SHTN1: variants seen among roughly 807,000 people sequenced by gnomAD.
The protein encoded by SHTN1 is shootin-1.
A neutral mutation model predicts 83.1 loss-of-function variants in SHTN1; 42 were observed. The observed-to-expected ratio is 0.51, with a 90% confidence interval of 0.39 to 0.65. The LOEUF (loss-of-function observed/expected upper bound fraction) is 0.65, where lower values mean the gene tolerates loss of function less well. SHTN1 is among the 30% of genes least tolerant of loss of function. The pLI is 0.00. For synonymous variants in SHTN1, 224 were observed against 247.7 expected, an observed-to-expected ratio of 0.90 and a Z score of 0.90; for missense variants, 622 against 737.8, an observed-to-expected ratio of 0.84 and a Z score of 1.82.
At chr10:117,113,837 G>A (rs1853803753) in intron 1 of SHTN1, among the ~76,000 whole-genome samples, 1 of 152,218 alleles carries the variant, frequency 6.6e-6, no homozygotes, top group Non-Finnish European at 1.5e-5. Flanking sequence ...TCTGAGGTAA[G>A]GAGTTCAAGA....
chr10:116,966,028 G>A (rs1482256327), intron 3 of SHTN1, among the ~76,000 whole-genome samples: 2 of 151,836 alleles, frequency 1.3e-5, no homozygotes, highest in African/African-American at 4.8e-5. Flanking sequence ...GTTTTTTTGA[G>A]ACGGAGTCTC....
rs58029184 is a variant in SHTN1 at position 117,047,903 on chromosome 10, C to CAAA, written c.-123+539_-123+541dup. On this transcript the variant is annotated intron_variant, in intron 2 of 17. Coordinates refer to the SHTN1 transcript ENST00000392901. ...AAATGTTGGGATTATAGGCATGAGC[C>CAAA]AAAAAAAAAAAAAAATTATTAAAAG... Among the ~76,000 whole-genome samples, 320 of 139,514 alleles carry CAAA rather than the reference C, an allele frequency of 2.3e-3. 2 individuals are homozygous for CAAA. Among genetic ancestry groups the CAAA allele is most frequent in the South Asian group, 4.4e-3 (19 of 4,364 alleles). 91.5% of individuals were successfully genotyped at this position (139,514 alleles called of 152,430 possible).
intron 1 of SHTN1, among the ~76,000 whole-genome samples, chr10:117,052,223 G>A (rs571979451): frequency 6.6e-6 from 1 of 151,298 alleles, no homozygotes; most frequent in African/African-American, 2.4e-5. Flanking sequence ...TTTACCCAAG[G>A]AGATGTAAGA....
chr10:116,928,326 T>G (rs1438649087), intron 10 of SHTN1, among the ~76,000 whole-genome samples: 1 of 152,210 alleles, frequency 6.6e-6, no homozygotes, highest in Non-Finnish European at 1.5e-5. Context: ...TCTCCCCTGC[T>G]TAATTTCCTT....
chr10:117,017,307 C>T (rs549740389), intron 2 of SHTN1, among the ~76,000 whole-genome samples: 4 of 151,812 alleles, frequency 2.6e-5, no homozygotes, highest in Admixed American at 6.6e-5. Context: ...CTGGCTAACA[C>T]GGTGAAACCC....
chr10:116,939,364 G>A (rs1437853854), intron 9 of SHTN1, among the ~76,000 whole-genome samples: 1 of 152,190 alleles, frequency 6.6e-6, no homozygotes, highest in Non-Finnish European at 1.5e-5. Flanking sequence ...TATCTGGGCT[G>A]GAGAGCACCA....
intron 1 of SHTN1, among the ~76,000 whole-genome samples, chr10:117,084,739 T>A (rs1489980289): frequency 6.6e-6 from 1 of 152,020 alleles, no homozygotes; most frequent in Non-Finnish European, 1.5e-5. Flanking sequence ...AATCTCGTGG[T>A]GCGCCGTTTT....
intron 1 of SHTN1, among the ~76,000 whole-genome samples, chr10:117,051,167 A>G (rs1852735299): frequency 6.6e-6 from 1 of 152,226 alleles, no homozygotes; most frequent in South Asian, 2.1e-4. Flanking sequence ...TGAAATGGAC[A>G]AAGTCCTAGA....
At chr10:117,069,707 T>C (rs1263398590) in intron 1 of SHTN1, among the ~76,000 whole-genome samples, 1 of 152,194 alleles carries the variant, frequency 6.6e-6, no homozygotes, top group Non-Finnish European at 1.5e-5. Context: ...AAGAACATTT[T>C]ATCTTCACTA....
intron 1 of SHTN1, among the ~76,000 whole-genome samples, chr10:117,089,073 G>A (rs896741593): frequency 6.6e-6 from 1 of 152,156 alleles, no homozygotes; most frequent in African/African-American, 2.4e-5. Context: ...CCATGGTAGG[G>A]CTGTACAGAC....
rs1848132603 is a variant in SHTN1 at position 116,910,148 on chromosome 10, G to A, written c.1359+1642C>T. Among the ~76,000 whole-genome samples, 3 of 152,144 alleles carry A rather than the reference G, an allele frequency of 2.0e-5. No individual in the cohort carries two copies. The South Asian group carries it at 6.2e-4, about 31-fold the overall frequency. On this transcript the variant is annotated intron_variant, in intron 14 of 16. Coordinates refer to ENST00000355371, the MANE Select transcript of SHTN1 (RefSeq NM_001127211.3). ...TGGTTTATAGGCTCCAGGTGACAGGGAATTACAAATAGTCCATCCTTCCTC... is the reference window on the plus strand; with the variant it reads ...TGGTTTATAGGCTCCAGGTGACAGGAAATTACAAATAGTCCATCCTTCCTC...
intron 16 of SHTN1, among the ~76,000 whole-genome samples, chr10:116,887,008 C>T (rs1422214062): frequency 6.6e-6 from 1 of 152,044 alleles, no homozygotes; most frequent in East Asian, 1.9e-4. Flanking sequence ...GCTGAGGAGC[C>T]TGCAGGGACA....
intron 1 of SHTN1, among the ~76,000 whole-genome samples, chr10:116,986,712 T>A (rs1268326464): frequency 8.0e-6 from 1 of 125,390 alleles, no homozygotes; most frequent in Non-Finnish European, 1.6e-5. Flanking sequence ...CAAAACCCAG[T>A]ATCCTTTTTT....
At chr10:116,983,568 T>C (rs552963147) in intron 1 of SHTN1, among the ~76,000 whole-genome samples, 11 of 152,184 alleles carry the variant, frequency 7.2e-5, no homozygotes, top group Admixed American at 2.6e-4. Context: ...TTAAATCATA[T>C]AGATGCCTCG....
rs578024954 is a variant in SHTN1 at position 116,954,154 on chromosome 10, C to A, written c.324G>T (p.Leu108=). 1.3e-5 allele frequency: 21 copies of A among 1,613,522 alleles called. No homozygotes were observed. The South Asian group carries it at 2.3e-4, about 18-fold the overall frequency. Residue 108 remains leucine, a synonymous_variant, in exon 5 of 17, where the codon CTG becomes CTT. Transcript: ENST00000355371. ...TCTCTTCAGTTATTACATCTGGTCCCAGCTTGGCCATGTACAACATGCTGA... is the reference window on the plus strand; with the variant it reads ...TCTCTTCAGTTATTACATCTGGTCCAAGCTTGGCCATGTACAACATGCTGA... The part of the protein sequence containing the change: ...KRISMLYMAK[L]GPDVITEEIN...
At chr10:116,980,172 G>A (rs1054855046) in intron 1 of SHTN1, among the ~76,000 whole-genome samples, 3 of 152,164 alleles carry the variant, frequency 2.0e-5, no homozygotes, top group Admixed American at 6.5e-5. Context: ...CACATGAAGT[G>A]AGAAGAAAAA....
intron 2 of SHTN1, among the ~76,000 whole-genome samples, chr10:116,969,582 T>A (rs1333501382): frequency 6.6e-6 from 1 of 152,208 alleles, no homozygotes; most frequent in Non-Finnish European, 1.5e-5. Flanking sequence ...TATTCCATAC[T>A]AAGCACATAT....
At chr10:117,004,217 G>C (rs1217847742) in intron 1 of SHTN1, among the ~76,000 whole-genome samples, 1 of 152,122 alleles carries the variant, frequency 6.6e-6, no homozygotes, top group Non-Finnish European at 1.5e-5. Flanking sequence ...CACATTCGCA[G>C]ACCACCCTTT....
chr10:117,015,466 G>T (rs770382426), intron 2 of SHTN1, among the ~76,000 whole-genome samples: 5 of 152,112 alleles, frequency 3.3e-5, no homozygotes, highest in African/African-American at 1.2e-4. Context: ...TGAGTAGCTG[G>T]GATTACAGGC....
Sources: gnomAD v4.1 joint callset for allele counts (sites outside exome capture counted in the v4.1 genomes callset) on GRCh38, gnomAD v4.1.1 for gene constraint, MANE v1.5 for transcripts, NCBI Gene and HGNC (gene_info 2026-07-23, HGNC 2026-07-21) for gene names.